The following KIAA1217 variants were observed in gnomAD, a reference collection of about 807,000 sequenced individuals.
The protein encoded by KIAA1217 is sickle tail protein homolog.
KIAA1217 carries 88 observed loss-of-function variants against 163.9 expected under a neutral mutation model. The observed-to-expected ratio is 0.54, with a 90% confidence interval of 0.45 to 0.64. KIAA1217 has a LOEUF of 0.64. KIAA1217 is among the 30% of genes least tolerant of loss of function. The pLI is 0.00. For missense variants in KIAA1217, 2,372 were observed against 2,475.0 expected (o/e 0.96, Z 0.88); for synonymous variants, 903 against 923.1 (o/e 0.98, Z 0.39).
At chr10:24,466,060 A>G (rs2062916544) in intron 5 of KIAA1217, among the ~76,000 whole-genome samples, 1 of 152,024 alleles carries the variant, frequency 6.6e-6, no homozygotes, top group South Asian at 2.1e-4. Flanking sequence ...CAGCCTCCTT[A>G]TCTCCCTCAT....
At chr10:23,939,752 T>A (rs1843678165) in intron 1 of KIAA1217, among the ~76,000 whole-genome samples, 1 of 151,488 alleles carries the variant, frequency 6.6e-6, no homozygotes, top group African/African-American at 2.4e-5. Context: ...AAACAAGACT[T>A]CAACTAAATT....
At chr10:23,867,472 T>G (rs376274055) in intron 1 of KIAA1217, among the ~76,000 whole-genome samples, 2 of 152,130 alleles carry the variant, frequency 1.3e-5, no homozygotes, top group Admixed American at 6.6e-5. Context: ...CATCAACAGT[T>G]TAAAAGTGTT....
intron 1 of KIAA1217, among the ~76,000 whole-genome samples, chr10:23,849,099 A>C (rs1311510578): frequency 6.6e-6 from 1 of 152,110 alleles, no homozygotes; most frequent in East Asian, 1.9e-4. Flanking sequence ...ATGGAGCTAA[A>C]TACTGTTGTT....
At chr10:23,911,176 G>A (rs1842413524) in intron 1 of KIAA1217, among the ~76,000 whole-genome samples, 1 of 152,148 alleles carries the variant, frequency 6.6e-6, no homozygotes, top group Admixed American at 6.6e-5. Context: ...CCCAGACCAT[G>A]TCTCTGCTAA....
chr10:24,277,564 G>A (rs1237314418), intron 2 of KIAA1217, among the ~76,000 whole-genome samples: 1 of 152,184 alleles, frequency 6.6e-6, no homozygotes, highest in African/African-American at 2.4e-5. Context: ...TGAATCATGG[G>A]GGCGGTTTTC....
At position 23,980,160 on chromosome 10, in the gene KIAA1217, G is replaced by A. The variant is rs553760001; in HGVS notation, c.-320-27065G>A. Among the ~76,000 whole-genome samples, 6 of 152,134 alleles carry A rather than the reference G, an allele frequency of 3.9e-5. No individual in the cohort carries two copies. In the East Asian group the frequency reaches 1.2e-3, roughly 30 times the overall value. On this transcript the variant is annotated intron_variant, in intron 1 of 18. Transcript: ENST00000376462. ...GTTTGTTTTGGTCTGTCCCTTTCAG[G>A]CAGGAGACTTCACTCCGTGTCTAAT...
At chr10:24,375,434 T>C (rs1034869882) in intron 2 of KIAA1217, among the ~76,000 whole-genome samples, 2 of 152,160 alleles carry the variant, frequency 1.3e-5, no homozygotes, top group Non-Finnish European at 2.9e-5. Flanking sequence ...TCCTTTGGAG[T>C]ACCGTGAAGC....
At chr10:24,253,307 G>A (rs913027896) in intron 2 of KIAA1217, among the ~76,000 whole-genome samples, 4 of 152,114 alleles carry the variant, frequency 2.6e-5, no homozygotes, top group African/African-American at 9.7e-5. Flanking sequence ...GGGGTAGTGG[G>A]GACTCCTCAC....
chr10:23,790,908 T>C (rs1835917001), intron 1 of KIAA1217, among the ~76,000 whole-genome samples: 1 of 152,030 alleles, frequency 6.6e-6, no homozygotes, highest in South Asian at 2.1e-4. Flanking sequence ...TTAATTTATA[T>C]ATTTTTTTGT....
intron 2 of KIAA1217, among the ~76,000 whole-genome samples, chr10:24,008,637 A>G (rs369685062): frequency 6.6e-6 from 1 of 152,220 alleles, no homozygotes; most frequent in African/African-American, 2.4e-5. Flanking sequence ...GGAGTTCAGG[A>G]GTCCTCTCAG....
intron 2 of KIAA1217, among the ~76,000 whole-genome samples, chr10:24,248,856 T>A (rs1336819807): frequency 6.6e-6 from 1 of 152,196 alleles, no homozygotes; most frequent in African/African-American, 2.4e-5. Context: ...TATTTAGATT[T>A]GAAAAGACTG....
At chr10:24,077,528 G>A (rs542584749) in intron 2 of KIAA1217, among the ~76,000 whole-genome samples, 3 of 152,138 alleles carry the variant, frequency 2.0e-5, no homozygotes, top group African/African-American at 7.2e-5. Context: ...TTTTTATGGT[G>A]CCATAGTATT....
intron 1 of KIAA1217, among the ~76,000 whole-genome samples, chr10:23,950,961 G>A (rs572173165): frequency 6.6e-6 from 1 of 152,260 alleles, no homozygotes; most frequent in African/African-American, 2.4e-5. Context: ...AATATTTATT[G>A]TGTGGTGCCA....
intron 2 of KIAA1217, among the ~76,000 whole-genome samples, chr10:24,378,590 A>T (rs1169789298): frequency 2.0e-5 from 3 of 151,498 alleles, no homozygotes; most frequent in East Asian, 1.9e-4. Flanking sequence ...TCTCTGGTCC[A>T]CTTTTACCCA....
Position 23,873,744 on chromosome 10 carries a change from G to A in KIAA1217, c.-320-133481G>A, listed in dbSNP as rs552986956. Among the ~76,000 whole-genome samples, 6 of 151,706 alleles carry A rather than the reference G, an allele frequency of 4.0e-5. No individual in the cohort carries two copies. In the South Asian group the frequency reaches 6.3e-4, roughly 16 times the overall value. On this transcript the variant is annotated intron_variant, in intron 1 of 18. Transcript: ENST00000376462. ...TCTCACTCGCCATCTATCTCTCAAT[G>A]CTCAGAATTGAAGAAAGTACTCTTC...
intron 1 of KIAA1217, among the ~76,000 whole-genome samples, chr10:23,754,786 T>C (rs1833836418): frequency 1.3e-5 from 2 of 151,990 alleles, no homozygotes; most frequent in Admixed American, 1.3e-4. Context: ...CCTTAATCTC[T>C]GGGCATCGCC....
chr10:24,416,459 ACAC>A (rs1405372327), intron 3 of KIAA1217, among the ~76,000 whole-genome samples: 9 of 152,120 alleles, frequency 5.9e-5, no homozygotes, highest in Non-Finnish European at 1.2e-4. Context: ...CGCTTGGGAA[ACAC>A]CCCTTGTCTT....
At chr10:23,955,527 T>A (rs906805611) in intron 1 of KIAA1217, among the ~76,000 whole-genome samples, 1 of 152,176 alleles carries the variant, frequency 6.6e-6, no homozygotes, top group Non-Finnish European at 1.5e-5. Context: ...GAACAGACAT[T>A]TGCAATTTCT....
intron 6 of KIAA1217, among the ~76,000 whole-genome samples, chr10:24,479,038 G>A (rs2064348352): frequency 6.6e-6 from 1 of 152,176 alleles, no homozygotes; most frequent in Non-Finnish European, 1.5e-5. Flanking sequence ...AATTAGCATA[G>A]AGTTACACTA....
Sources: allele counts gnomAD v4.1 joint callset (sites outside exome capture counted in the v4.1 genomes callset), GRCh38; gene constraint gnomAD v4.1.1; transcripts MANE v1.5; gene names NCBI Gene and HGNC (gene_info 2026-07-23, HGNC 2026-07-21).